The following NCAM1 variants were observed in gnomAD, a reference collection of about 807,000 sequenced individuals.
The protein encoded by NCAM1 is neural cell adhesion molecule 1, also known as antigen recognized by monoclonal antibody 5.1H11.
NCAM1 carries 14 observed loss-of-function variants against 109.8 expected under a neutral mutation model. The observed-to-expected ratio is 0.13, with a 90% CI of 0.08 to 0.20. NCAM1 has a LOEUF of 0.20. Among genes scored for constraint, NCAM1 ranks in the 10% least tolerant of loss-of-function variants. NCAM1 has a pLI of 1.00. For missense variants in NCAM1, 774 were observed against 1,109.9 expected (o/e 0.70, Z 4.30); for synonymous variants, 418 against 442.9 (o/e 0.94, Z 0.70).
At chr11:113,167,017 T>C (rs1433128261) in intron 1 of NCAM1, among the ~76,000 whole-genome samples, 2 of 152,178 alleles carry the variant, frequency 1.3e-5, no homozygotes, top group East Asian at 3.9e-4. Flanking sequence ...GTGTAATGAA[T>C]TTTCCCTTGC....
At chr11:113,040,339 G>T (rs1555079789) in intron 1 of NCAM1, among the ~76,000 whole-genome samples, 1 of 152,074 alleles carries the variant, frequency 6.6e-6, no homozygotes, top group Non-Finnish European at 1.5e-5. Context: ...GGTTTAGACT[G>T]GTTGGGATGT....
chr11:113,191,755 A>ATG (rs535004308), intron 1 of NCAM1, among the ~76,000 whole-genome samples: 1,606 of 134,526 alleles, frequency 0.012, 8 homozygotes, highest in African/African-American at 0.019. Context: ...ATGTGTGTAT[A>ATG]TGTGTGTGTG....
In NCAM1 at chr11:113,207,284, C is replaced by A. The variant is rs1555113010; in HGVS notation, c.652C>A (p.Gln218Lys). Residue 218 changes from glutamine (Q) to lysine (K), a missense_variant, in exon 6 of 20, where the codon CAG becomes AAG. Around this residue, in one of 4 missense-constraint regions of NCAM1, gnomAD observed 523 missense variants for 784.2 expected, o/e 0.67. Transcript: ENST00000316851. ...VNVPPTIQAR[Q>K]NIVNATANLG... Reference sequence around the variant, plus strand: ...AGTGCCACCTACCATCCAGGCCAGGCAGAATATTGTGAATGCCACCGCCAA... The same window carrying A: ...AGTGCCACCTACCATCCAGGCCAGGAAGAATATTGTGAATGCCACCGCCAA... The A allele has an allele frequency of 6.2e-7, 1 of 1,613,854 alleles. No homozygotes were observed. Among genetic ancestry groups the A allele is most frequent in the African/African-American group, 1.3e-5 (1 of 74,920 alleles).
At chr11:113,157,208 A>G (rs1488187209) in intron 1 of NCAM1, among the ~76,000 whole-genome samples, 1 of 152,096 alleles carries the variant, frequency 6.6e-6, no homozygotes, top group East Asian at 1.9e-4. Context: ...GCTGAGGCAC[A>G]CAGCATGTCG....
At chr11:113,095,459 T>A (rs1555090177) in intron 1 of NCAM1, among the ~76,000 whole-genome samples, 1 of 152,166 alleles carries the variant, frequency 6.6e-6, no homozygotes, top group East Asian at 1.9e-4. Flanking sequence ...GTCCAGCAAT[T>A]GCTTGGATGT....
chr11:113,197,965 C>CATCT (rs1469423251), intron 1 of NCAM1, among the ~76,000 whole-genome samples: 1 of 152,162 alleles, frequency 6.6e-6, no homozygotes, highest in Non-Finnish European at 1.5e-5. Flanking sequence ...AGTTACAAAA[C>CATCT]ATCTATCTAC....
At chr11:113,089,853 C>A (rs1555089023) in intron 1 of NCAM1, among the ~76,000 whole-genome samples, 4 of 152,070 alleles carry the variant, frequency 2.6e-5, no homozygotes, top group African/African-American at 9.7e-5. Context: ...TTTGATGAAA[C>A]AAACCAAAGA....
intron 1 of NCAM1, among the ~76,000 whole-genome samples, chr11:113,116,605 T>C (rs1940722123): frequency 1.3e-5 from 2 of 152,214 alleles, no homozygotes; most frequent in Admixed American, 6.5e-5. Context: ...CTTCTGGCTT[T>C]TTCTATGGGT....
chr11:113,037,751 A>G (rs1427854586), intron 1 of NCAM1, among the ~76,000 whole-genome samples: 1 of 152,062 alleles, frequency 6.6e-6, no homozygotes, highest in African/African-American at 2.4e-5. Context: ...TGTTGCTCCC[A>G]CTTTCTGCTT....
intron 8 of NCAM1, among the ~76,000 whole-genome samples, chr11:113,218,545 C>G (rs374781138): frequency 6.6e-6 from 1 of 152,050 alleles, no homozygotes; most frequent in Non-Finnish European, 1.5e-5. Flanking sequence ...AATGGAATAC[C>G]AATGTTCTTG....
chr11:113,242,087 C>T (rs1945344244), intron 14 of NCAM1, among the ~76,000 whole-genome samples: 1 of 152,232 alleles, frequency 6.6e-6, no homozygotes. Flanking sequence ...GTCGCTAAGC[C>T]TCCCCAAGTC....
intron 14 of NCAM1, among the ~76,000 whole-genome samples, chr11:113,239,114 C>T (rs12271908): frequency 0.22 from 33,635 of 152,188 alleles, 4,095 homozygotes; most frequent in South Asian, 0.26. Flanking sequence ...TGTTTTCAAG[C>T]TGCCAGTTAG....
intron 1 of NCAM1, among the ~76,000 whole-genome samples, chr11:113,166,035 G>T (rs1397455387): frequency 1.3e-5 from 2 of 151,598 alleles, no homozygotes; most frequent in African/African-American, 2.4e-5. Flanking sequence ...GTTTCACCGT[G>T]TTAGCCAGGG....
chr11:113,167,204 A>C (rs998537623), intron 1 of NCAM1, among the ~76,000 whole-genome samples: 1 of 152,210 alleles, frequency 6.6e-6, no homozygotes, highest in Admixed American at 6.5e-5. Context: ...ACTCTTCATC[A>C]CTGGCCTTCA....
At chr11:113,143,199 T>G (rs1486647652) in intron 1 of NCAM1, among the ~76,000 whole-genome samples, 4 of 152,182 alleles carry the variant, frequency 2.6e-5, no homozygotes, top group Non-Finnish European at 5.9e-5. Context: ...TTCCCCAAAC[T>G]AGGATTCAAT....
At chr11:113,183,783 C>T (rs779473461) in intron 1 of NCAM1, among the ~76,000 whole-genome samples, 17 of 152,156 alleles carry the variant, frequency 1.1e-4, no homozygotes, top group Non-Finnish European at 2.2e-4. Flanking sequence ...ACCTTGGGAC[C>T]AGGAGGCTGC....
At position 113,092,810 on chromosome 11, in the gene NCAM1, G is replaced by A. The variant is rs374601655; in HGVS notation, c.53-109569G>A. Among the ~76,000 whole-genome samples, 6 of 152,102 alleles carry A rather than the reference G, an allele frequency of 3.9e-5. No homozygotes were observed. The South Asian group carries it at 6.2e-4, about 16-fold the overall frequency. ...GGAGTGAGATTATATGGCATCTCTT[G>A]TAACTGTCACTAAAGAATACCTCTG... On this transcript the variant is annotated intron_variant, in intron 1 of 19. Coordinates refer to ENST00000316851, the MANE Select transcript of NCAM1 (RefSeq NM_181351.5).
At position 113,147,836 on chromosome 11, in the gene NCAM1, A is replaced by G. The variant is rs577701323; in HGVS notation, c.53-54543A>G. On this transcript the variant is annotated intron_variant, in intron 1 of 19. Coordinates refer to ENST00000316851, the MANE Select transcript of NCAM1 (RefSeq NM_181351.5). ...AGTTTCATATAGTCAGACAAGTCTT[A>G]TCATCCACATTACGCCATGAAAAAT... is the stretch of plus-strand genomic sequence containing the variant. Among the ~76,000 whole-genome samples, 7 of 152,316 alleles carry G rather than the reference A, an allele frequency of 4.6e-5. No homozygotes were observed. The South Asian group carries it at 1.5e-3, about 32-fold the overall frequency.
chr11:112,979,228 G>GAAA (rs150408197), intron 1 of NCAM1, among the ~76,000 whole-genome samples: 5,883 of 146,688 alleles, frequency 0.04, 395 homozygotes, highest in East Asian at 0.14. Flanking sequence ...GAACAAAAAA[G>GAAA]AAAAAAAAAC....
Sources: allele counts gnomAD v4.1 joint callset (sites outside exome capture counted in the v4.1 genomes callset), GRCh38; gene constraint gnomAD v4.1.1; regional missense constraint gnomAD v4.1.1; transcripts MANE v1.5; gene names NCBI Gene and HGNC (gene_info 2026-07-23, HGNC 2026-07-21).